Variants in FANCD2 observed in about 807,000 individuals in gnomAD.
FANCD2 encodes FA complementation group D2, also known as Fanconi anemia group D2 protein.
A neutral mutation model predicts 192.3 loss-of-function variants in FANCD2; 131 were observed. That is an observed-to-expected ratio of 0.68 (90% CI 0.59 to 0.79). The LOEUF (loss-of-function observed/expected upper bound fraction) is 0.79. FANCD2 is among the 30% of genes least tolerant of loss of function. The pLI, the probability that FANCD2 is intolerant of heterozygous loss-of-function variation, is 0.00. For synonymous variants in FANCD2, 524 were observed against 612.5 expected (o/e 0.86, Z 2.13); for missense variants, 1,508 against 1,701.6 (o/e 0.89, Z 2.00).
At chr3:10,054,442 TATAC>T (rs2087332124) in intron 18 of FANCD2, among the ~76,000 whole-genome samples, 3 of 67,282 alleles carry the variant, frequency 4.5e-5, no homozygotes, top group Non-Finnish European at 4.9e-5. Flanking sequence ...TATACATGTA[TATAC>T]ATATATATAT....
chr3:10,093,667 G>A (rs1404943338), intron 39 of FANCD2, among the ~76,000 whole-genome samples: 1 of 152,166 alleles, frequency 6.6e-6, no homozygotes, highest in Non-Finnish European at 1.5e-5. Context: ...TCTATGGGTG[G>A]CCTTACAAAT....
chr3:10,044,189 C>T (rs1366123376), intron 14 of FANCD2, among the ~76,000 whole-genome samples: 1 of 152,226 alleles, frequency 6.6e-6, no homozygotes, highest in East Asian at 1.9e-4. Context: ...ACCTAAGTCT[C>T]AGGTCCCTGT....
chr3:10,087,403 A>T, intron 34 of FANCD2, 139 bp downstream of exon 34: 1 of 790,026 alleles, frequency 1.3e-6, no homozygotes. Context: ...TTGCTATACC[A>T]AGAAGGTCAT....
In FANCD2 at chr3:10,098,717, T is replaced by C; in HGVS notation, c.4186-3T>C. ...ACCATTTTCTTGGTCCATTCACATT[T>C]AGGGTGAAGAGATTAAGTCCCAAAA... On this transcript the variant is annotated splice_region_variant and splice_polypyrimidine_tract_variant and intron_variant, in intron 42 of 43. Coordinates refer to ENST00000675286, the MANE Select transcript of FANCD2 (RefSeq NM_001018115.3). 1.2e-6 allele frequency: 2 copies of C among 1,614,120 alleles called. No individual in the cohort carries two copies. Among genetic ancestry groups the C allele is most frequent in the Non-Finnish European group, 1.7e-6 (2 of 1,179,980 alleles).
chr3:10,051,799 G>A (rs530398424), intron 17 of FANCD2, among the ~76,000 whole-genome samples: 8 of 152,238 alleles, frequency 5.3e-5, no homozygotes, highest in African/African-American at 1.2e-4. Context: ...ACCATGAAAG[G>A]TAGTATAGCT....
chr3:10,095,396 C>T, intron 41 of FANCD2, 122 bp downstream of exon 41: 1 of 815,632 alleles, frequency 1.2e-6, no homozygotes, highest in Non-Finnish European at 2.1e-6. Context: ...TGTCCAAAGG[C>T]AGTTTATTCA....
In FANCD2 at chr3:10,101,377, CTTTTT is replaced by C. The variant is rs950337384; in HGVS notation, c.*136_*140del. The C allele has an allele frequency of 7.7e-4, 300 of 387,548 alleles. No homozygotes were observed. Among genetic ancestry groups the C allele is most frequent in the East Asian group, 9.5e-4 (21 of 22,186 alleles). 24.0% of individuals were successfully genotyped at this position (387,548 alleles called of 1,614,324 possible). A position where few individuals can be genotyped will look rare whatever the true frequency, so the allele number is the denominator to read the frequency against. On this transcript the variant is annotated 3_prime_UTR_variant, in exon 44 of 44. Transcript: ENST00000675286. Reference sequence around the variant, plus strand: ...ACTGGTAGGATCCTTTTTTGTTCCTCTTTTTTTTTTTTTTTTTTTTTTTTTAAAGA... The same window carrying C: ...ACTGGTAGGATCCTTTTTTGTTCCTCTTTTTTTTTTTTTTTTTTTTAAAGA...
chr3:10,073,303 T>G lies in FANCD2; in HGVS notation c.2656T>G (p.Ser886Ala). The change falls in exon 28 of 44, where the codon TCA becomes GCA. Residue 886 changes from serine (S) to alanine (A), a missense_variant. Coordinates refer to ENST00000675286, the MANE Select transcript of FANCD2 (RefSeq NM_001018115.3). The stretch of plus-strand genomic sequence containing the variant: ...CAAGACATCCTCCTCTGACACACTT[T>G]CAGAAGAGAAAAATTCAGAATGTGA... The part of the protein sequence containing the change: ...GSKTSSSDTL[S>A]EEKNSECDPT... The G allele has an allele frequency of 6.2e-7, 1 of 1,614,094 alleles. No individual in the cohort carries two copies. The highest frequency in any genetic ancestry group is 8.5e-7 in the Non-Finnish European group (1 of 1,179,994).
intron 41 of FANCD2, 141 bp downstream of exon 41, chr3:10,095,415 C>A (rs539319873): frequency 1.9e-5 from 14 of 723,364 alleles, no homozygotes; most frequent in African/African-American, 1.4e-4. Flanking sequence ...CAGAGCAAAT[C>A]CTTAGTTGCT....
intron 32 of FANCD2, among the ~76,000 whole-genome samples, chr3:10,085,188 G>A (rs540237555): frequency 1.6e-4 from 24 of 152,138 alleles, no homozygotes; most frequent in Non-Finnish European, 2.6e-4. Context: ...GAATGAAGGA[G>A]AGCTTTTTGC....
intron 43 of FANCD2, chr3:10,099,153 A>G: frequency 1.1e-5 from 16 of 1,454,738 alleles, no homozygotes; most frequent in Non-Finnish European, 1.3e-5. Context: ...GTTGAGAAGA[A>G]TGAGTTAAAC....
At chr3:10,100,791 C>T (rs145393937) in intron 43 of FANCD2, among the ~76,000 whole-genome samples, 5 of 152,180 alleles carry the variant, frequency 3.3e-5, no homozygotes, top group Admixed American at 1.3e-4. Flanking sequence ...CAAATTGGGC[C>T]GGGCGCAATG....
At chr3:10,094,057 G>A (rs554700295) in intron 39 of FANCD2, among the ~76,000 whole-genome samples, 2 of 152,282 alleles carry the variant, frequency 1.3e-5, no homozygotes, top group South Asian at 2.1e-4. Flanking sequence ...CCTGTCCATC[G>A]ACTGTATCTG....
At chr3:10,074,238 C>A (rs534993394) in intron 28 of FANCD2, among the ~76,000 whole-genome samples, 1 of 152,202 alleles carries the variant, frequency 6.6e-6, no homozygotes, top group East Asian at 1.9e-4. Flanking sequence ...ACCACCACAC[C>A]TGGCCAGCTC....
chr3:10,048,784 A>G (rs902108657), intron 16 of FANCD2, among the ~76,000 whole-genome samples: 7 of 132,674 alleles, frequency 5.3e-5, no homozygotes, highest in African/African-American at 1.4e-4. Flanking sequence ...AAAAAATTTT[A>G]AACATTTAAA....
At chr3:10,060,184 AGTTAGT>A in intron 18 of FANCD2, 104 bp from the exon 19 acceptor site, 27 of 720,638 alleles carry the variant, frequency 3.7e-5, no homozygotes, top group South Asian at 1.1e-4. Flanking sequence ...AAAAAAAAAC[AGTTAGT>A]AAACGGTAAA....
chr3:10,076,362 T>G (rs563283766), intron 29 of FANCD2, among the ~76,000 whole-genome samples: 6 of 152,128 alleles, frequency 3.9e-5, no homozygotes, highest in Non-Finnish European at 8.8e-5. Flanking sequence ...AAACGCATCT[T>G]GGATCCACAA....
chr3:10,071,501 C>T (rs1693243859), intron 26 of FANCD2, among the ~76,000 whole-genome samples: 1 of 152,124 alleles, frequency 6.6e-6, no homozygotes, highest in African/African-American at 2.4e-5. Flanking sequence ...GAGTACTATT[C>T]AGCCATAAAA....
At chr3:10,057,489 C>T (rs1261980582) in intron 18 of FANCD2, among the ~76,000 whole-genome samples, 4 of 151,964 alleles carry the variant, frequency 2.6e-5, no homozygotes, top group African/African-American at 4.8e-5. Flanking sequence ...CTCAGCCTCC[C>T]GTGTAGCTGG....
Sources: allele counts gnomAD v4.1 joint callset (sites outside exome capture counted in the v4.1 genomes callset), GRCh38; gene constraint gnomAD v4.1.1; transcripts MANE v1.5; gene names NCBI Gene and HGNC (gene_info 2026-07-23, HGNC 2026-07-21).